EEF1AKMT1: variants seen among roughly 807,000 people sequenced by gnomAD.
EEF1AKMT1 encodes N-6 adenine-specific DNA methyltransferase 2 (putative).
In EEF1AKMT1, 18 loss-of-function variants were observed where a neutral mutation model predicts 21.0. The ratio of observed to expected loss-of-function variants is 0.86; its 90% CI spans 0.59 to 1.27. The LOEUF (loss-of-function observed/expected upper bound fraction) is 1.27, where lower values mean the gene tolerates loss of function less well. Among genes scored for constraint, EEF1AKMT1 ranks in the 50% most tolerant of loss-of-function variants. EEF1AKMT1 has a pLI of 0.00. For synonymous variants in EEF1AKMT1, 109 were observed against 94.8 expected (o/e 1.15, Z -0.87); for missense variants, 246 against 258.6 (o/e 0.95, Z 0.33).
At chr13:20,738,540 G>T (rs1302314767) in intron 2 of EEF1AKMT1, among the ~76,000 whole-genome samples, 1 of 152,152 alleles carries the variant, frequency 6.6e-6, no homozygotes, top group African/African-American at 2.4e-5. Context: ...CATGCCAACT[G>T]GGGGGTTCTC....
At position 20,728,984 on chromosome 13, in the gene EEF1AKMT1, G is replaced by C; in HGVS notation, c.*96C>G. The C allele has an allele frequency of 6.7e-7, 1 of 1,490,758 alleles. No homozygotes were observed. Among genetic ancestry groups the C allele is most frequent in the Non-Finnish European group, 9.3e-7 (1 of 1,079,740 alleles). The allele number at this position is 1,490,758 out of a possible 1,614,324, so 92.3% of individuals were successfully genotyped here. A position where few individuals can be genotyped will look rare whatever the true frequency, so the allele number is the denominator to read the frequency against. ...CAGGCCAGGGACAGCTCCAGTTTGG[G>C]GGGAGGGGAAGAGATTATAACTTTT... On this transcript the variant is annotated 3_prime_UTR_variant, in exon 5 of 5. Transcript: ENST00000382758.
intron 1 of EEF1AKMT1, among the ~76,000 whole-genome samples, chr13:20,770,805 GTA>G (rs979573809): frequency 3.3e-5 from 5 of 151,940 alleles, no homozygotes; most frequent in Non-Finnish European, 5.9e-5. Flanking sequence ...GTTTGTGTGT[GTA>G]TATGAGTGTG....
At chr13:20,740,700 G>A (rs2058864807) in intron 2 of EEF1AKMT1, among the ~76,000 whole-genome samples, 1 of 152,206 alleles carries the variant, frequency 6.6e-6, no homozygotes, top group South Asian at 2.1e-4. Flanking sequence ...CTACTCGGGA[G>A]ACTGAGGCAG....
chr13:20,733,708 G>T (rs1311614019), intron 3 of EEF1AKMT1, among the ~76,000 whole-genome samples: 2 of 152,226 alleles, frequency 1.3e-5, no homozygotes, highest in Non-Finnish European at 2.9e-5. Flanking sequence ...CAGTGACCAT[G>T]ACTGCCTCAT....
chr13:20,762,352 A>G (rs1242221951), intron 1 of EEF1AKMT1, among the ~76,000 whole-genome samples: 1 of 151,748 alleles, frequency 6.6e-6, no homozygotes, highest in South Asian at 2.1e-4. Context: ...ACGCCCAGCT[A>G]AATTTTTTTG....
intron 1 of EEF1AKMT1, among the ~76,000 whole-genome samples, chr13:20,766,298 C>CAAAAAAAAAAA (rs35866979): frequency 2.9e-4 from 22 of 76,730 alleles, no homozygotes; most frequent in East Asian, 1.2e-3. Context: ...GACTCCATCT[C>CAAAAAAAAAAA]AAAAAAAAAA....
intron 2 of EEF1AKMT1, 46 bp from the exon 3 acceptor site, chr13:20,737,851 C>T (rs1566528574): frequency 1.4e-6 from 2 of 1,385,076 alleles, no homozygotes; most frequent in African/African-American, 1.4e-5. Context: ...CTGGCATAAG[C>T]TTTGTTCTTT....
rs543788141 is a variant in EEF1AKMT1, at chr13:20,756,457, C to G, written c.144+998G>C. On this transcript the variant is annotated intron_variant, in intron 2 of 4. Transcript: ENST00000382758. ...TTCAATACATGTTTAAGTTCAGTTCCCCAATTTCCGGCAATGATAATATTT... is the reference window on the plus strand; with the variant it reads ...TTCAATACATGTTTAAGTTCAGTTCGCCAATTTCCGGCAATGATAATATTT... Among the ~76,000 whole-genome samples, 4 of 152,238 alleles carry G rather than the reference C, an allele frequency of 2.6e-5. No individual in the cohort carries two copies. In the South Asian group the frequency reaches 8.3e-4, roughly 32 times the overall value.
chr13:20,729,945 G>A (rs9509356), intron 4 of EEF1AKMT1, among the ~76,000 whole-genome samples: 56,815 of 152,050 alleles, frequency 0.37, 12,593 homozygotes, highest in Non-Finnish European at 0.5. Flanking sequence ...GACAAGTTGC[G>A]TCCCGTCGCC....
intron 2 of EEF1AKMT1, among the ~76,000 whole-genome samples, chr13:20,740,526 C>T (rs959572386): frequency 1.3e-5 from 2 of 152,166 alleles, no homozygotes; most frequent in Admixed American, 6.5e-5. Flanking sequence ...ACTGACTTGC[C>T]GGGTGTGGTG....
intron 2 of EEF1AKMT1, among the ~76,000 whole-genome samples, chr13:20,744,639 T>TTC (rs999307783): frequency 2.0e-5 from 3 of 152,222 alleles, no homozygotes; most frequent in Non-Finnish European, 4.4e-5. Context: ...TAGGCTGCTG[T>TTC]TCACTCTGAC....
intron 4 of EEF1AKMT1, among the ~76,000 whole-genome samples, chr13:20,730,035 G>A (rs1465881803): frequency 2.6e-5 from 4 of 152,220 alleles, no homozygotes; most frequent in Non-Finnish European, 5.9e-5. Context: ...CTGCCCTCCC[G>A]GGCCGCTGTG....
At chr13:20,761,141 T>A (rs7982221) in intron 1 of EEF1AKMT1, among the ~76,000 whole-genome samples, 1 of 152,134 alleles carries the variant, frequency 6.6e-6, no homozygotes, top group East Asian at 1.9e-4. Context: ...TATATAATGA[T>A]ATCACGTGTA....
At position 20,765,358 on chromosome 13, in the gene EEF1AKMT1, T is replaced by C. The variant is rs1016229989; in HGVS notation, c.-19-7741A>G. Among the ~76,000 whole-genome samples the C allele has an allele frequency of 5.3e-5, 8 of 151,768 alleles. No homozygotes were observed. In the South Asian group the frequency reaches 1.0e-3, roughly 20 times the overall value. On this transcript the variant is annotated intron_variant, in intron 1 of 4. Transcript: ENST00000382758. ...TACACTTAATGTTATTATTGATATATTGTGCTTAAGCCTATTTCATTATTT... is the reference window on the plus strand; with the variant it reads ...TACACTTAATGTTATTATTGATATACTGTGCTTAAGCCTATTTCATTATTT...
intron 1 of EEF1AKMT1, among the ~76,000 whole-genome samples, chr13:20,763,322 C>T (rs1317817633): frequency 1.3e-5 from 2 of 152,048 alleles, no homozygotes; most frequent in Non-Finnish European, 1.5e-5. Flanking sequence ...ATGTTAAAGC[C>T]TTAACCCTCA....
intron 2 of EEF1AKMT1, among the ~76,000 whole-genome samples, chr13:20,749,978 A>T (rs2058931877): frequency 6.6e-6 from 1 of 152,156 alleles, no homozygotes; most frequent in Non-Finnish European, 1.5e-5. Flanking sequence ...AATATTCTTT[A>T]AAGCTTTCCT....
At chr13:20,741,681 T>A (rs1039827307) in intron 2 of EEF1AKMT1, among the ~76,000 whole-genome samples, 1 of 152,038 alleles carries the variant, frequency 6.6e-6, no homozygotes, top group African/African-American at 2.4e-5. Flanking sequence ...GGTCTCAATC[T>A]CTTGACTTCG....
At chr13:20,746,586 G>T (rs1053501381) in intron 2 of EEF1AKMT1, among the ~76,000 whole-genome samples, 17 of 152,224 alleles carry the variant, frequency 1.1e-4, no homozygotes, top group Non-Finnish European at 1.6e-4. Context: ...GTGGCAGACA[G>T]TATCTGCTAT....
In EEF1AKMT1 at chr13:20,728,836, C is replaced by CA; in HGVS notation, c.*243dup. 2 of 531,314 alleles carry CA rather than the reference C, an allele frequency of 3.8e-6. 1 individual carries two copies. The highest frequency in any genetic ancestry group is 1.0e-3 in the Middle Eastern group (2 of 1,944). 32.9% of individuals were successfully genotyped at this position (531,314 alleles called of 1,614,324 possible). A position where few individuals can be genotyped will look rare whatever the true frequency, so the allele number is the denominator to read the frequency against. On this transcript the variant is annotated 3_prime_UTR_variant, in exon 5 of 5. Transcript: ENST00000382758. The stretch of plus-strand genomic sequence containing the variant: ...CACATGTTAAATGAGGAGAGAAGAT[C>CA]AGGCAGATTCTAAGGTTTCTTCCAA...
Sources: allele counts gnomAD v4.1 joint callset (sites outside exome capture counted in the v4.1 genomes callset), GRCh38; gene constraint gnomAD v4.1.1; transcripts MANE v1.5; gene names NCBI Gene and HGNC (gene_info 2026-07-23, HGNC 2026-07-21).